Variants in DENND5B observed in about 807,000 individuals in gnomAD.
The protein encoded by DENND5B is DENN domain-containing protein 5B.
Under a neutral mutation model 140.6 loss-of-function variants are expected in DENND5B, and 34 were observed. The ratio of observed to expected loss-of-function variants is 0.24; its 90% CI spans 0.18 to 0.32. The LOEUF is 0.32. Among genes scored for constraint, DENND5B ranks in the 10% least tolerant of loss-of-function variants. The pLI is 1.00. For missense variants in DENND5B, 1,142 were observed against 1,560.2 expected, an observed-to-expected ratio of 0.73 and a Z score of 4.52; for synonymous variants, 551 against 562.1, an observed-to-expected ratio of 0.98 and a Z score of 0.28.
intron 2 of DENND5B, among the ~76,000 whole-genome samples, chr12:31,487,931 T>C (rs180785055): frequency 8.2e-4 from 125 of 152,214 alleles, no homozygotes; most frequent in African/African-American, 2.8e-3. Context: ...CCAGGCTTAG[T>C]TCACCTCTTG....
At chr12:31,555,798 A>T (rs1480932538) in intron 1 of DENND5B, among the ~76,000 whole-genome samples, 1 of 151,962 alleles carries the variant, frequency 6.6e-6, no homozygotes, top group African/African-American at 2.4e-5. Flanking sequence ...TTGCAGTTTG[A>T]TCTCGGACTG....
intron 1 of DENND5B, among the ~76,000 whole-genome samples, chr12:31,584,098 T>C (rs1427079004): frequency 6.6e-6 from 1 of 152,222 alleles, no homozygotes; most frequent in Non-Finnish European, 1.5e-5. Flanking sequence ...TTTATTACTC[T>C]GAGAGTATCT....
At chr12:31,418,324 C>G (rs1309347808) in intron 11 of DENND5B, among the ~76,000 whole-genome samples, 2 of 148,844 alleles carry the variant, frequency 1.3e-5, no homozygotes, top group African/African-American at 4.9e-5. Context: ...TCTTGTCGCC[C>G]AGGCTGGAGT....
intron 1 of DENND5B, among the ~76,000 whole-genome samples, chr12:31,581,479 G>A (rs10843970): frequency 2.6e-5 from 4 of 151,860 alleles, no homozygotes; most frequent in East Asian, 1.9e-4. Flanking sequence ...ACCTGAGGTC[G>A]GGAGCCCGAG....
Position 31,392,650 on chromosome 12 carries a change from G to A in DENND5B, c.3303C>T (p.Asn1101=), listed in dbSNP as rs1430116715. The A allele has an allele frequency of 6.4e-7, 1 of 1,558,556 alleles. No homozygotes were observed. Among genetic ancestry groups the A allele is most frequent in the Non-Finnish European group, 8.7e-7 (1 of 1,150,020 alleles). Residue 1101 remains asparagine, a synonymous_variant, in exon 18 of 21, where the codon AAC becomes AAT. Transcript: ENST00000389082. ...QIQEGIGEAV[N]NIVKHFHKPE... Reference sequence around the variant, plus strand: ...GTTTATGAAAATGTTTCACAATATTGTTCACAGCTTCTCCAATTCCTTCTT... The same window carrying A: ...GTTTATGAAAATGTTTCACAATATTATTCACAGCTTCTCCAATTCCTTCTT...
chr12:31,408,906 T>C (rs1169127849), intron 14 of DENND5B, among the ~76,000 whole-genome samples: 2 of 152,134 alleles, frequency 1.3e-5, no homozygotes, highest in Non-Finnish European at 2.9e-5. Flanking sequence ...GAAAGCAGGA[T>C]TGGTTAAGCA....
intron 2 of DENND5B, among the ~76,000 whole-genome samples, chr12:31,494,199 T>TCCCCCCAC (rs1946668239): frequency 9.3e-6 from 1 of 107,340 alleles, no homozygotes; most frequent in Admixed American, 1.1e-4. Context: ...CATCCATCCA[T>TCCCCCCAC]CCACCTACCT....
chr12:31,435,684 G>C (rs1292679035), intron 7 of DENND5B, among the ~76,000 whole-genome samples: 1 of 151,970 alleles, frequency 6.6e-6, no homozygotes, highest in Non-Finnish European at 1.5e-5. Context: ...TGTTTGAGAC[G>C]GAGTCTTGTT....
intron 7 of DENND5B, among the ~76,000 whole-genome samples, chr12:31,440,285 A>G (rs1271742915): frequency 6.6e-6 from 1 of 152,174 alleles, no homozygotes; most frequent in Non-Finnish European, 1.5e-5. Flanking sequence ...CCTGGCCTCA[A>G]GGAATACTTC....
At chr12:31,499,010 G>C (rs1326952867) in intron 1 of DENND5B, among the ~76,000 whole-genome samples, 1 of 151,100 alleles carries the variant, frequency 6.6e-6, no homozygotes, top group Non-Finnish European at 1.5e-5. Flanking sequence ...GAAATGACTG[G>C]ATGCAGCTAT....
chr12:31,525,769 T>C (rs1591982358), intron 1 of DENND5B, among the ~76,000 whole-genome samples: 2 of 152,308 alleles, frequency 1.3e-5, no homozygotes, highest in South Asian at 2.1e-4. Flanking sequence ...GATGGGTGGA[T>C]TGGCTTGAGC....
rs758005011 is a variant in DENND5B at position 31,495,935 on chromosome 12, C to T, written c.128-16G>A. ...AAATTTTCGCCTACAACAAATAATA[C>T]ATAGTTAATATCTAGAACTTTTCCA... On this transcript the variant is annotated splice_polypyrimidine_tract_variant and intron_variant, in intron 1 of 20. Coordinates refer to ENST00000389082, the MANE Select transcript of DENND5B (RefSeq NM_144973.4). 1.9e-6 allele frequency: 3 copies of T among 1,550,348 alleles called. No individual in the cohort carries two copies. The highest frequency in any genetic ancestry group is 2.3e-5 in the South Asian group (2 of 86,232).
intron 18 of DENND5B, 64 bp downstream of exon 18, chr12:31,392,550 G>A (rs972891376): frequency 3.1e-5 from 47 of 1,524,156 alleles, no homozygotes; most frequent in Admixed American, 1.5e-4. Flanking sequence ...ATATTGCCTC[G>A]TGTATCACAT....
chr12:31,482,543 CA>C (rs1364896139), intron 2 of DENND5B, among the ~76,000 whole-genome samples: 1 of 152,034 alleles, frequency 6.6e-6, no homozygotes, highest in Non-Finnish European at 1.5e-5. Flanking sequence ...ATTCTATCTT[CA>C]AAAATACATG....
intron 1 of DENND5B, among the ~76,000 whole-genome samples, chr12:31,539,958 T>A (rs1281943744): frequency 6.6e-6 from 1 of 152,120 alleles, no homozygotes; most frequent in Admixed American, 6.6e-5. Context: ...GCAGATGATA[T>A]GATCTCGTAT....
At chr12:31,583,730 GCA>G (rs1950293041) in intron 1 of DENND5B, among the ~76,000 whole-genome samples, 1 of 151,992 alleles carries the variant, frequency 6.6e-6, no homozygotes, top group East Asian at 1.9e-4. Context: ...CAAGAATTTA[GCA>G]CAGTGTCTGG....
At chr12:31,466,762 T>C (rs1267631) in intron 3 of DENND5B, among the ~76,000 whole-genome samples, 11,882 of 152,024 alleles carry the variant, frequency 0.078, 1,058 homozygotes, top group African/African-American at 0.22. Context: ...AAAAGATACA[T>C]GAATGCAATA....
Position 31,450,580 on chromosome 12 carries a change from C to T in DENND5B, c.1629+1360G>A, listed in dbSNP as rs535273721. ...CTATGTTGCCTAGGCTGGTCTCACA[C>T]TCCTGGCCTCAAATGATCCTCCAGC... is the stretch of plus-strand genomic sequence containing the variant. On this transcript the variant is annotated intron_variant, in intron 5 of 20. Coordinates refer to ENST00000389082, the MANE Select transcript of DENND5B (RefSeq NM_144973.4). 2.6e-5 allele frequency among the ~76,000 whole-genome samples: 4 copies of T among 152,196 alleles called. No homozygotes were observed. The East Asian group carries it at 7.7e-4, about 29-fold the overall frequency.
chr12:31,405,841 T>C (rs1296664800), intron 14 of DENND5B, among the ~76,000 whole-genome samples: 2 of 145,300 alleles, frequency 1.4e-5, no homozygotes, highest in Admixed American at 1.4e-4. Context: ...CCATCGCACC[T>C]GGCCACTATT....
Sources: allele counts gnomAD v4.1 joint callset (sites outside exome capture counted in the v4.1 genomes callset), GRCh38; gene constraint gnomAD v4.1.1; transcripts MANE v1.5; gene names NCBI Gene and HGNC (gene_info 2026-07-23, HGNC 2026-07-21).